Variants in PDZRN3 observed in about 807,000 individuals in gnomAD.
The protein encoded by PDZRN3 is PDZ domain containing ring finger 3.
A neutral mutation model predicts 85.7 loss-of-function variants in PDZRN3; 38 were observed. That is an observed-to-expected ratio of 0.44 (90% CI 0.34 to 0.58). The LOEUF (loss-of-function observed/expected upper bound fraction) is 0.58. PDZRN3 is among the 20% of genes least tolerant of loss of function. The pLI is 0.01. For missense variants in PDZRN3, 1,629 were observed against 1,506.4 expected (o/e 1.08, Z -1.35); for synonymous variants, 759 against 638.0 (o/e 1.19, Z -2.86).
chr3:73,623,798 G>C, intron 1 of PDZRN3: 1 of 288,602 alleles, frequency 3.5e-6, no homozygotes, highest in Non-Finnish European at 6.4e-6. Context: ...TTTTGACTCT[G>C]GAGCTGCATT....
chr3:73,588,944 G>T (rs1449054194), intron 3 of PDZRN3, among the ~76,000 whole-genome samples: 1 of 152,138 alleles, frequency 6.6e-6, no homozygotes, highest in Admixed American at 6.5e-5. Flanking sequence ...ATTTTTCTCC[G>T]ATGAAGGGGG....
At chr3:73,400,770 G>A (rs1475121781) in intron 5 of PDZRN3, 152 bp downstream of exon 5, 3 of 649,150 alleles carry the variant, frequency 4.6e-6, no homozygotes, top group Non-Finnish European at 8.5e-6. Context: ...AAGAATCTCA[G>A]TTGTGCCTTT....
At chr3:73,594,681 G>C (rs1024094061) in intron 3 of PDZRN3, among the ~76,000 whole-genome samples, 1 of 146,104 alleles carries the variant, frequency 6.8e-6, no homozygotes. Context: ...ATAGTAAGGA[G>C]ATCAGCTGCA....
At chr3:73,469,155 C>A (rs1260009947) in intron 3 of PDZRN3, among the ~76,000 whole-genome samples, 5 of 151,488 alleles carry the variant, frequency 3.3e-5, no homozygotes, top group Non-Finnish European at 5.9e-5. Context: ...CTCACTGCAA[C>A]CTCCGCCTCC....
chr3:73,466,787 G>C (rs2106876476), intron 3 of PDZRN3, among the ~76,000 whole-genome samples: 1 of 152,182 alleles, frequency 6.6e-6, no homozygotes, highest in Non-Finnish European at 1.5e-5. Flanking sequence ...TGAGGTCTCT[G>C]GTTTCTGTTT....
intron 3 of PDZRN3, among the ~76,000 whole-genome samples, chr3:73,424,889 C>T (rs1559672493): frequency 2.0e-5 from 3 of 152,156 alleles, no homozygotes. Flanking sequence ...CAAGTGTTGG[C>T]AGGGATGTGA....
chr3:73,589,307 A>G (rs945869147), intron 3 of PDZRN3, among the ~76,000 whole-genome samples: 1 of 152,216 alleles, frequency 6.6e-6, no homozygotes, highest in Non-Finnish European at 1.5e-5. Context: ...TTAAAAGATC[A>G]CCTAGAACTG....
At chr3:73,432,486 T>C (rs566851667) in intron 3 of PDZRN3, among the ~76,000 whole-genome samples, 2 of 152,262 alleles carry the variant, frequency 1.3e-5, no homozygotes, top group Admixed American at 6.5e-5. Context: ...GTTTTGACCC[T>C]CTCTCTGTCT....
At chr3:73,541,373 C>T (rs1231530647) in intron 3 of PDZRN3, among the ~76,000 whole-genome samples, 1 of 152,204 alleles carries the variant, frequency 6.6e-6, no homozygotes, top group Non-Finnish European at 1.5e-5. Context: ...CTCTTTAGGT[C>T]AGACAGTGGT....
At chr3:73,401,217 G>A (rs747380655) in intron 4 of PDZRN3, 27 of 508,112 alleles carry the variant, frequency 5.3e-5, no homozygotes, top group Non-Finnish European at 8.9e-5. Flanking sequence ...TCCTCCTGAA[G>A]GACTTAAGAT....
chr3:73,388,058 T>C lies in PDZRN3; in HGVS notation c.1428A>G (p.Ile476Met). Residue 476 changes from isoleucine to methionine, a missense_variant, in exon 8 of 10, where the codon ATA becomes ATG. Ile to Met is a conservative substitution (Grantham distance 10). Transcript: ENST00000263666. ...CAGCCTCTTCACGGTTCTGCACCTCTATCCCATTAATCTTTTAAAAAAAAA... is the reference window on the plus strand; with the variant it reads ...CAGCCTCTTCACGGTTCTGCACCTCCATCCCATTAATCTTTTAAAAAAAAA... ...EGDRIIQINGIEVQNREEAVA... is the reference protein window; with the variant it reads ...EGDRIIQINGMEVQNREEAVA... The C allele has an allele frequency of 9.5e-7, 1 of 1,051,792 alleles. No homozygotes were observed. Among genetic ancestry groups the C allele is most frequent in the Non-Finnish European group, 1.3e-6 (1 of 749,880 alleles). The allele number at this position is 1,051,792 out of a possible 1,614,324, so 65.2% of individuals were successfully genotyped here.
At chr3:73,406,936 G>T (rs1369667597) in intron 3 of PDZRN3, among the ~76,000 whole-genome samples, 4 of 152,218 alleles carry the variant, frequency 2.6e-5, no homozygotes, top group African/African-American at 9.6e-5. Context: ...AATGTCAGCT[G>T]CCTGGGCAGC....
intron 3 of PDZRN3, among the ~76,000 whole-genome samples, chr3:73,562,983 T>TTTTATATATATATATATA (rs1337607309): frequency 5.3e-5 from 1 of 18,964 alleles, no homozygotes; most frequent in Non-Finnish European, 1.1e-4. Context: ...AGTTGGCAAA[T>TTTTATATATATATATATA]TATATATATA....
chr3:73,575,298 A>G (rs1217878387), intron 3 of PDZRN3, among the ~76,000 whole-genome samples: 1 of 152,132 alleles, frequency 6.6e-6, no homozygotes, highest in Non-Finnish European at 1.5e-5. Flanking sequence ...CCATCCTTGC[A>G]TGACCAACTC....
chr3:73,587,959 T>A (rs946740518), intron 3 of PDZRN3, among the ~76,000 whole-genome samples: 4 of 152,264 alleles, frequency 2.6e-5, no homozygotes, highest in Admixed American at 1.3e-4. Context: ...TTTAAAAAAA[T>A]TTATTTCTTC....
chr3:73,593,881 A>T (rs1702396689), intron 3 of PDZRN3: 1 of 152,158 alleles, frequency 6.6e-6, no homozygotes, highest in African/African-American at 2.4e-5. Flanking sequence ...GCAAAGACTA[A>T]TATAAATGCC....
At chr3:73,478,018 C>T (rs28408701) in intron 3 of PDZRN3, among the ~76,000 whole-genome samples, 1,623 of 152,182 alleles carry the variant, frequency 0.011, 35 homozygotes, top group African/African-American at 0.036. Flanking sequence ...CCAAGAAACA[C>T]GGGAATTATG....
At chr3:73,565,485 C>G (rs1701927009) in intron 3 of PDZRN3, among the ~76,000 whole-genome samples, 1 of 152,062 alleles carries the variant, frequency 6.6e-6, no homozygotes, top group Non-Finnish European at 1.5e-5. Flanking sequence ...TAGGCCTCAT[C>G]TGAAAAGGAG....
At chr3:73,400,156 C>A (rs1159800670) in intron 5 of PDZRN3, among the ~76,000 whole-genome samples, 1 of 152,124 alleles carries the variant, frequency 6.6e-6, no homozygotes, top group Non-Finnish European at 1.5e-5. Flanking sequence ...GTCTTTTTAC[C>A]TTATTCCATA....
Sources: allele counts gnomAD v4.1 joint callset (sites outside exome capture counted in the v4.1 genomes callset), GRCh38; gene constraint gnomAD v4.1.1; transcripts MANE v1.5; gene names NCBI Gene and HGNC (gene_info 2026-07-23, HGNC 2026-07-21).